Variants in PEX5 observed in about 807,000 individuals in gnomAD.
PEX5 encodes the protein PTS1 receptor.
PEX5 carries 52 observed loss-of-function variants against 82.9 expected under a neutral mutation model. The observed-to-expected ratio is 0.63, with a 90% CI of 0.50 to 0.79. The LOEUF is 0.79. Ranked by LOEUF, PEX5 falls within the 30% of genes least tolerant of loss-of-function variation. The probability of loss-of-function intolerance (pLI) is 0.00; values close to 1 mark genes in which losing one functional copy is unlikely to be tolerated. For missense variants in PEX5, 719 were observed against 815.2 expected (o/e 0.88, Z 1.44); for synonymous variants, 300 against 318.8 (o/e 0.94, Z 0.63).
chr12:7,196,479 A>ATGTG (rs1324786358), intron 5 of PEX5, among the ~76,000 whole-genome samples: 1 of 108,774 alleles, frequency 9.2e-6, no homozygotes, highest in Non-Finnish European at 1.9e-5. Context: ...TAATAATTAC[A>ATGTG]TCATATATAA....
chr12:7,217,389 C>A (rs1045830931), intron 17 of PEX5, among the ~76,000 whole-genome samples: 6 of 152,226 alleles, frequency 3.9e-5, no homozygotes, highest in Non-Finnish European at 7.3e-5. Context: ...GCTGTACTCA[C>A]CGGGGAACAT....
Position 7,197,279 on chromosome 12 carries a change from A to T in PEX5, c.449-1732A>T, listed in dbSNP as rs770969424. Among the ~76,000 whole-genome samples, 40 of 134,822 alleles carry T rather than the reference A, an allele frequency of 3.0e-4. 3 individuals are homozygous for T. The highest frequency in any genetic ancestry group is 1.1e-3 in the African/African-American group (40 of 35,188). The allele number at this position is 134,822 out of a possible 152,430, so 88.4% of individuals were successfully genotyped here. A position where few individuals can be genotyped will look rare whatever the true frequency, so the allele number is the denominator to read the frequency against. ...TGTAATAATTATATATGTCATATAT[A>T]ATGTAATAATTATATATGTCATATA... is the stretch of plus-strand genomic sequence containing the variant. On this transcript the variant is annotated intron_variant, in intron 5 of 15. Coordinates refer to ENST00000675855, the MANE Select transcript of PEX5 (RefSeq NM_001351132.2).
At chr12:7,200,566 C>A (rs1005858410) in intron 6 of PEX5, among the ~76,000 whole-genome samples, 6 of 151,884 alleles carry the variant, frequency 4.0e-5, no homozygotes, top group African/African-American at 9.7e-5. Context: ...TGTAGCGAGC[C>A]GAGATCACGC....
chr12:7,210,026 G>T lies in PEX5; in HGVS notation c.1723G>T (p.Ala575Ser), dbSNP rs1460520817. The T allele has an allele frequency of 6.2e-7, 1 of 1,614,144 alleles. No individual in the cohort carries two copies. ...SCINLGAHREAVEHFLEALNM... is the reference protein window; with the variant it reads ...SCINLGAHRESVEHFLEALNM... ...CATTCCTCTTCTTCCTTACAGGGAGGCTGTGGAGCACTTTCTGGAGGCCCT... is the reference window on the plus strand; with the variant it reads ...CATTCCTCTTCTTCCTTACAGGGAGTCTGTGGAGCACTTTCTGGAGGCCCT... Residue 575 changes from alanine to serine, a missense_variant, in exon 16 of 16, where the codon GCT (alanine) becomes TCT (serine). Coordinates refer to ENST00000675855, the MANE Select transcript of PEX5 (RefSeq NM_001351132.2).
At chr12:7,193,870 T>G (rs1001587312) in intron 5 of PEX5, among the ~76,000 whole-genome samples, 1 of 152,238 alleles carries the variant, frequency 6.6e-6, no homozygotes, top group Non-Finnish European at 1.5e-5. Context: ...CTTCTAGTAT[T>G]TTGTAGATTC....
intron 12 of PEX5, 65 bp downstream of exon 12, chr12:7,208,145 A>C (rs1945051418): frequency 8.4e-7 from 1 of 1,192,206 alleles, no homozygotes; most frequent in Admixed American, 1.7e-5. Context: ...TTTGAATGAC[A>C]GAAGCCCAGA....
chr12:7,193,122 C>T (rs1941455508), intron 5 of PEX5, among the ~76,000 whole-genome samples: 1 of 152,098 alleles, frequency 6.6e-6, no homozygotes. Flanking sequence ...GGATATCCCA[C>T]CCCCATTTTA....
At chr12:7,190,330 T>C (rs1326817811) in intron 1 of PEX5, 32 bp from the exon 2 acceptor site, 6 of 1,610,810 alleles carry the variant, frequency 3.7e-6, no homozygotes, top group Non-Finnish European at 5.1e-6. Context: ...CTGGCTTGGG[T>C]ACCTCAGTTC....
At chr12:7,195,649 A>G (rs1941947333) in intron 5 of PEX5, among the ~76,000 whole-genome samples, 1 of 148,818 alleles carries the variant, frequency 6.7e-6, no homozygotes, top group Admixed American at 6.7e-5. Context: ...ACCATTTCAT[A>G]GGAATTTGAA....
chr12:7,191,710 G>T lies in PEX5; in HGVS notation c.448+10G>T, dbSNP rs941949179. 6.2e-7 allele frequency: 1 copy of T among 1,612,364 alleles called. No individual in the cohort carries two copies. The highest frequency in any genetic ancestry group is 2.2e-5 in the East Asian group (1 of 44,880). On this transcript the variant is annotated intron_variant, in intron 5 of 15. Coordinates refer to ENST00000675855, the MANE Select transcript of PEX5 (RefSeq NM_001351132.2). ...ATCTCTGAAGTTACAGGTGAAACTT[G>T]TTATGGGAAAATCTATATTGGCTTC...
intron 14 of PEX5, 124 bp from the exon 15 acceptor site, chr12:7,209,557 CAT>C: frequency 4.0e-6 from 1 of 250,970 alleles, no homozygotes; most frequent in African/African-American, 1.0e-4. Flanking sequence ...TGGGACGAAA[CAT>C]GTTAGCTAAC....
At chr12:7,215,212 A>G (rs755969549), downstream of PEX5, among the ~76,000 whole-genome samples, 1 of 152,226 alleles carries the variant, frequency 6.6e-6, no homozygotes, top group Non-Finnish European at 1.5e-5. Context: ...ACCATCTCAC[A>G]CCAGTCAGAA....
rs762252851 is a variant in PEX5, at chr12:7,210,180, G to A, written c.1877G>A (p.Arg626Gln). The change falls in exon 16 of 16, where the codon CGG becomes CAG. Residue 626 changes from arginine (R) to glutamine (Q), a missense_variant. Coordinates refer to ENST00000675855, the MANE Select transcript of PEX5 (RefSeq NM_001351132.2). ...GATGCCTATGGGGCAGCCGACGCGCGGGATCTGTCCACCCTCCTAACTATG... is the reference window on the plus strand; with the variant it reads ...GATGCCTATGGGGCAGCCGACGCGCAGGATCTGTCCACCCTCCTAACTATG... ...QSDAYGAADA[R>Q]DLSTLLTMFG... 15 of 1,614,090 alleles carry A rather than the reference G, an allele frequency of 9.3e-6. No homozygotes were observed. The highest frequency in any genetic ancestry group is 7.7e-5 in the South Asian group (7 of 91,090).
chr12:7,212,278 A>ACTT (rs958362756), downstream of PEX5, among the ~76,000 whole-genome samples: 1 of 151,812 alleles, frequency 6.6e-6, no homozygotes, highest in African/African-American at 2.4e-5. Context: ...AAAAAGTCTA[A>ACTT]CTTTTAAATT....
chr12:7,202,752 T>C (rs762138383), intron 9 of PEX5, 48 bp downstream of exon 9: 7 of 1,215,746 alleles, frequency 5.8e-6, no homozygotes, highest in Admixed American at 1.7e-5. Flanking sequence ...AAAACACTCC[T>C]TGGAGTGAGT....
chr12:7,214,365 T>TA (rs1945716670), downstream of PEX5, among the ~76,000 whole-genome samples: 1 of 151,520 alleles, frequency 6.6e-6, no homozygotes, highest in Non-Finnish European at 1.5e-5. Flanking sequence ...GTGGCACATA[T>TA]ACACCATGGA....
Position 7,201,847 on chromosome 12 carries a change from C to T in PEX5, c.642+6C>T, listed in dbSNP as rs376779359. 1.2e-5 allele frequency: 19 copies of T among 1,598,358 alleles called. No homozygotes were observed. In the African/African-American group the frequency reaches 1.6e-4, roughly 14 times the overall value. ...CCAAATTGGCTAATTCTGAGGTGAG[C>T]CACATCCCTCTGCTGCTTTGCCCAG... is the stretch of plus-strand genomic sequence containing the variant. On this transcript the variant is annotated splice_donor_region_variant and intron_variant, in intron 7 of 15. Transcript: ENST00000675855.
At chr12:7,197,535 GTAATTATATATGTTATATATAATA>G (rs756729044) in intron 5 of PEX5, among the ~76,000 whole-genome samples, 3,598 of 115,520 alleles carry the variant, frequency 0.031, 297 homozygotes, top group South Asian at 0.11. Context: ...TATATATAAT[GTAATTATATATGTTATATATAATA>G]TAATAAGTAG....
intron 5 of PEX5, among the ~76,000 whole-genome samples, chr12:7,192,166 A>G (rs1315379759): frequency 6.6e-6 from 1 of 152,204 alleles, no homozygotes; most frequent in Non-Finnish European, 1.5e-5. Context: ...ATTAATAACA[A>G]TAGTTACGTT....
Sources: allele counts gnomAD v4.1 joint callset (sites outside exome capture counted in the v4.1 genomes callset), GRCh38; gene constraint gnomAD v4.1.1; transcripts MANE v1.5; gene names NCBI Gene and HGNC (gene_info 2026-07-23, HGNC 2026-07-21).